Variants in SDK2 observed in about 807,000 individuals in gnomAD.
SDK2 encodes protein sidekick-2.
In SDK2, 105 loss-of-function variants were observed where a neutral mutation model predicts 253.9. The ratio of observed to expected loss-of-function variants is 0.41; its 90% CI spans 0.35 to 0.49. SDK2 has a LOEUF of 0.49. Among genes scored for constraint, SDK2 ranks in the 20% least tolerant of loss-of-function variants. The pLI, the probability that SDK2 is intolerant of heterozygous loss-of-function variation, is 0.06. For synonymous variants in SDK2, 1,249 were observed against 1,234.9 expected, an observed-to-expected ratio of 1.01 and a Z score of -0.24; for missense variants, 2,608 against 3,003.0, an observed-to-expected ratio of 0.87 and a Z score of 3.07.
intron 3 of SDK2, among the ~76,000 whole-genome samples, chr17:73,457,598 G>T (rs1401823677): frequency 6.6e-6 from 1 of 151,656 alleles, no homozygotes; most frequent in African/African-American, 2.4e-5. Context: ...TGATCCGCCC[G>T]CCTCGGCCTC....
chr17:73,620,134 G>C (rs2046114858), intron 1 of SDK2, among the ~76,000 whole-genome samples: 1 of 151,976 alleles, frequency 6.6e-6, no homozygotes, highest in Non-Finnish European at 1.5e-5. Context: ...AGGGGGTTGA[G>C]GCTGCAGTGA....
chr17:73,534,836 C>G lies in SDK2; in HGVS notation c.65-27239G>C, dbSNP rs1390920056. Reference sequence around the variant, plus strand: ...AGTAGGCTGGGGGCAGCGGGCCGGGCTCCCTGGACTCCTTTGCATCTTCTA... The same window carrying G: ...AGTAGGCTGGGGGCAGCGGGCCGGGGTCCCTGGACTCCTTTGCATCTTCTA... On this transcript the variant is annotated intron_variant, in intron 1 of 44. Coordinates refer to ENST00000392650, the MANE Select transcript of SDK2 (RefSeq NM_001144952.2). The surrounding 1 kb of genome is among the most constrained non-coding windows in gnomAD (Gnocchi z 4.9). Among the ~76,000 whole-genome samples the G allele has an allele frequency of 1.3e-5, 2 of 152,174 alleles. No homozygotes were observed. The highest frequency in any genetic ancestry group is 6.5e-5 in the Admixed American group (1 of 15,276).
At chr17:73,514,097 T>A (rs2064003291) in intron 1 of SDK2, among the ~76,000 whole-genome samples, 1 of 152,164 alleles carries the variant, frequency 6.6e-6, no homozygotes, top group African/African-American at 2.4e-5. Context: ...TGTGCATACG[T>A]GTATGTGAGT....
intron 44 of SDK2, among the ~76,000 whole-genome samples, chr17:73,344,300 C>G (rs1011352659): frequency 6.6e-6 from 1 of 152,212 alleles, no homozygotes; most frequent in Non-Finnish European, 1.5e-5. Context: ...GTACCCCTCC[C>G]CCCACACCCA....
intron 32 of SDK2, 51 bp downstream of exon 32, chr17:73,385,796 A>C: frequency 6.6e-7 from 1 of 1,519,784 alleles, no homozygotes; most frequent in Non-Finnish European, 9.0e-7. Flanking sequence ...CCAGTCCCAG[A>C]GCAGAGCTCG....
At chr17:73,582,564 G>C (rs1180899787) in intron 1 of SDK2, among the ~76,000 whole-genome samples, 1 of 152,208 alleles carries the variant, frequency 6.6e-6, no homozygotes, top group Non-Finnish European at 1.5e-5. Context: ...CAGAAAGAGA[G>C]AGAGTGATAG....
At chr17:73,498,568 G>T (rs1450904122) in intron 2 of SDK2, among the ~76,000 whole-genome samples, 1 of 152,204 alleles carries the variant, frequency 6.6e-6, no homozygotes, top group African/African-American at 2.4e-5. Context: ...TCCTTCACCA[G>T]GCTTGGAAGC....
intron 18 of SDK2, among the ~76,000 whole-genome samples, chr17:73,405,352 A>G (rs1235553635): frequency 3.1e-5 from 4 of 127,912 alleles, no homozygotes; most frequent in Non-Finnish European, 4.9e-5. Flanking sequence ...AGGCAGGAGA[A>G]TTGCTTGAAA....
chr17:73,602,835 T>C (rs2045859493), intron 1 of SDK2, among the ~76,000 whole-genome samples: 1 of 152,068 alleles, frequency 6.6e-6, no homozygotes, highest in African/African-American at 2.4e-5. Context: ...CAAGTGATTG[T>C]CGTGCCTCAG....
intron 3 of SDK2, among the ~76,000 whole-genome samples, chr17:73,459,702 C>CTTT (rs543344223): frequency 6.9e-6 from 1 of 145,508 alleles, no homozygotes; most frequent in Non-Finnish European, 1.5e-5. Context: ...AGATTTCTTT[C>CTTT]TTTTTTTTTT....
At chr17:73,400,907 C>A in intron 21 of SDK2, 113 bp downstream of exon 21, 1 of 1,047,586 alleles carries the variant, frequency 9.5e-7, no homozygotes, top group Admixed American at 2.6e-5. Flanking sequence ...CTCAGCCTCC[C>A]AAGGTGCTGG....
chr17:73,616,609 G>C lies in SDK2; in HGVS notation c.64+27416C>G, dbSNP rs768998553. On this transcript the variant is annotated intron_variant, in intron 1 of 44. Coordinates refer to ENST00000392650, the MANE Select transcript of SDK2 (RefSeq NM_001144952.2). The surrounding 1 kb of genome is among the most constrained non-coding windows in gnomAD (Gnocchi z 5.2). ...CTTAGTCCTGGGTGTTTGGGGCTGAGAAAATGAACGTTCCATGATGCTATA... is the reference window on the plus strand; with the variant it reads ...CTTAGTCCTGGGTGTTTGGGGCTGACAAAATGAACGTTCCATGATGCTATA... Among the ~76,000 whole-genome samples the C allele has an allele frequency of 2.6e-5, 4 of 152,190 alleles. No individual in the cohort carries two copies. Among genetic ancestry groups the C allele is most frequent in the Non-Finnish European group, 5.9e-5 (4 of 68,030 alleles).
At chr17:73,550,592 C>A (rs575321782) in intron 1 of SDK2, among the ~76,000 whole-genome samples, 2 of 152,214 alleles carry the variant, frequency 1.3e-5, no homozygotes, top group Admixed American at 1.3e-4. Context: ...CCCATTCCCC[C>A]ACCCCTACCC....
At chr17:73,636,563 C>A (rs1487538593) in intron 1 of SDK2, among the ~76,000 whole-genome samples, 1 of 151,334 alleles carries the variant, frequency 6.6e-6, no homozygotes, top group Admixed American at 6.6e-5. Context: ...TGCCTGTAAT[C>A]CTAGCTACTC....
intron 27 of SDK2, among the ~76,000 whole-genome samples, chr17:73,392,601 A>G (rs902099624): frequency 1.3e-5 from 2 of 152,134 alleles, no homozygotes; most frequent in African/African-American, 4.8e-5. Flanking sequence ...GGCCTTCCAG[A>G]TCGTTGTAAG....
chr17:73,540,630 G>A (rs1422519720), intron 1 of SDK2, among the ~76,000 whole-genome samples: 3 of 152,150 alleles, frequency 2.0e-5, no homozygotes, highest in African/African-American at 7.2e-5. Flanking sequence ...CACTTCGTGC[G>A]TGACCCTGGT....
chr17:73,402,830 C>CT (rs2063039827), intron 18 of SDK2, among the ~76,000 whole-genome samples: 1 of 152,042 alleles, frequency 6.6e-6, no homozygotes, highest in South Asian at 2.1e-4. Flanking sequence ...CAGAGTCTTA[C>CT]TTTGTCGCCC....
At chr17:73,357,993 A>G in intron 40 of SDK2, 86 bp downstream of exon 40, 1 of 1,588,650 alleles carries the variant, frequency 6.3e-7, no homozygotes, top group South Asian at 1.1e-5. Context: ...CAGGCGGAGG[A>G]CAGAGGCAAG....
intron 42 of SDK2, 43 bp from the exon 43 acceptor site, chr17:73,350,418 T>TC: frequency 6.3e-7 from 1 of 1,588,014 alleles, no homozygotes. Flanking sequence ...CTGTGTGGCC[T>TC]CCCCTCTCCC....
Sources: gnomAD v4.1 joint callset for allele counts (sites outside exome capture counted in the v4.1 genomes callset) on GRCh38, gnomAD v4.1.1 for gene constraint, Gnocchi (gnomAD v3.1) non-coding constraint, MANE v1.5 for transcripts, NCBI Gene and HGNC (gene_info 2026-07-23, HGNC 2026-07-21) for gene names.